GRIA1: variants seen among roughly 807,000 people sequenced by gnomAD.
The protein encoded by GRIA1 is glutamate ionotropic receptor AMPA type subunit 1, also known as glutamate receptor 1.
A neutral mutation model predicts 99.2 loss-of-function variants in GRIA1; 31 were observed. The observed-to-expected ratio is 0.31, with a 90% CI of 0.23 to 0.42. The LOEUF (loss-of-function observed/expected upper bound fraction) is 0.42. GRIA1 is among the 10% of genes least tolerant of loss of function. The pLI is 1.00. For missense variants in GRIA1, 782 were observed against 1,157.5 expected (o/e 0.68, Z 4.71); for synonymous variants, 438 against 432.4 (o/e 1.01, Z -0.16).
rs2149685965 is a variant in GRIA1 at position 153,812,941 on chromosome 5, G to C, written c.*1716G>C. 6.6e-6 allele frequency: 1 copy of C among 152,286 alleles called. No homozygotes were observed. 9.4% of individuals were successfully genotyped at this position (152,286 alleles called of 1,614,324 possible). ...TACTTCTATCCAATTTTCTCTGCTA[G>C]GGGTTATCATTAGCAATTGACATGC... is the stretch of plus-strand genomic sequence containing the variant. On this transcript the variant is annotated 3_prime_UTR_variant, in exon 16 of 16. Coordinates refer to ENST00000285900, the MANE Select transcript of GRIA1 (RefSeq NM_000827.4).
intron 10 of GRIA1, among the ~76,000 whole-genome samples, chr5:153,703,044 T>C (rs1308900075): frequency 6.6e-6 from 1 of 152,186 alleles, no homozygotes; most frequent in Non-Finnish European, 1.5e-5. Context: ...AGTGAGAACC[T>C]CAGTTATTGG....
intron 2 of GRIA1, among the ~76,000 whole-genome samples, chr5:153,618,014 A>C (rs1442078371): frequency 6.6e-6 from 1 of 152,192 alleles, no homozygotes; most frequent in East Asian, 1.9e-4. Flanking sequence ...TGTGGGGTGG[A>C]TGTAGTAACA....
At chr5:153,491,036 G>C in intron 1 of GRIA1, 66 bp downstream of exon 1, 1 of 1,423,412 alleles carries the variant, frequency 7.0e-7, no homozygotes, top group South Asian at 1.1e-5. Flanking sequence ...TGGGGATAGG[G>C]GTTGTGTACC....
intron 13 of GRIA1, among the ~76,000 whole-genome samples, chr5:153,779,613 T>G (rs1053593608): frequency 6.6e-6 from 1 of 152,164 alleles, no homozygotes; most frequent in Non-Finnish European, 1.5e-5. Context: ...CAGGCTAGAG[T>G]GCAATGGCGC....
Position 153,698,244 on chromosome 5 carries a change from T to C in GRIA1, c.1245+90T>C, listed in dbSNP as rs1758257797. 4 of 679,196 alleles carry C rather than the reference T, an allele frequency of 5.9e-6. No individual in the cohort carries two copies. The South Asian group carries it at 7.8e-5, about 13-fold the overall frequency. The allele number at this position is 679,196 out of a possible 1,614,324, so 42.1% of individuals were successfully genotyped here. A position where few individuals can be genotyped will look rare whatever the true frequency, so the allele number is the denominator to read the frequency against. ...ACCAGGACTGAAAGCTGGCCTTTCT[T>C]CTTGCCAAAACTGTGTAATAGATAA... On this transcript the variant is annotated intron_variant, in intron 9 of 15. Coordinates refer to ENST00000285900, the MANE Select transcript of GRIA1 (RefSeq NM_000827.4).
At chr5:153,696,944 A>G (rs1246456906) in intron 8 of GRIA1, among the ~76,000 whole-genome samples, 2 of 152,042 alleles carry the variant, frequency 1.3e-5, no homozygotes, top group Non-Finnish European at 2.9e-5. Context: ...CTTGAGGTGT[A>G]GTCTACACTG....
At chr5:153,562,592 C>T (rs1460583886) in intron 2 of GRIA1, among the ~76,000 whole-genome samples, 2 of 152,104 alleles carry the variant, frequency 1.3e-5, no homozygotes, top group African/African-American at 2.4e-5. Context: ...AACCTTGTGA[C>T]TAGACGAGAG....
At chr5:153,539,839 A>T (rs1758904789) in intron 2 of GRIA1, among the ~76,000 whole-genome samples, 1 of 152,258 alleles carries the variant, frequency 6.6e-6, no homozygotes, top group Non-Finnish European at 1.5e-5. Context: ...TAAACTGAAG[A>T]GTAGAACTGA....
intron 13 of GRIA1, among the ~76,000 whole-genome samples, chr5:153,773,938 A>T (rs1173908263): frequency 6.6e-6 from 1 of 152,064 alleles, no homozygotes; most frequent in East Asian, 1.9e-4. Context: ...CCTTAATGGG[A>T]TTCTGCTTCT....
chr5:153,490,671 G>A lies in GRIA1; in HGVS notation c.-218G>A. The A allele has an allele frequency of 1.6e-6, 1 of 610,636 alleles. No homozygotes were observed. 37.8% of individuals were successfully genotyped at this position (610,636 alleles called of 1,614,324 possible). On this transcript the variant is annotated 5_prime_UTR_variant, in exon 1 of 16. Coordinates refer to ENST00000285900, the MANE Select transcript of GRIA1 (RefSeq NM_000827.4). ...GGACGGGCTTCTTTTCCCGTGCTCAGTTAATCTGGCTGTCAGTTGGTGTTA... is the reference window on the plus strand; with the variant it reads ...GGACGGGCTTCTTTTCCCGTGCTCAATTAATCTGGCTGTCAGTTGGTGTTA...
At chr5:153,634,385 A>T (rs1426316534) in intron 2 of GRIA1, among the ~76,000 whole-genome samples, 1 of 152,110 alleles carries the variant, frequency 6.6e-6, no homozygotes, top group African/African-American at 2.4e-5. Flanking sequence ...AAGAGAGAAC[A>T]TTTTAAGCTG....
chr5:153,687,849 G>A (rs1239393044), intron 8 of GRIA1, among the ~76,000 whole-genome samples: 1 of 152,154 alleles, frequency 6.6e-6, no homozygotes, highest in Non-Finnish European at 1.5e-5. Context: ...TATTGCTGCT[G>A]TACAAATTAC....
At chr5:153,547,808 C>T (rs1036352420) in intron 2 of GRIA1, among the ~76,000 whole-genome samples, 1 of 152,140 alleles carries the variant, frequency 6.6e-6, no homozygotes, top group African/African-American at 2.4e-5. Context: ...TCACAGTTAG[C>T]ACCATCCAAA....
chr5:153,648,377 G>C (rs1369307380), intron 3 of GRIA1, among the ~76,000 whole-genome samples: 1 of 152,076 alleles, frequency 6.6e-6, no homozygotes, highest in African/African-American at 2.4e-5. Flanking sequence ...ATGTACCTTT[G>C]CTTGTGGGAG....
intron 11 of GRIA1, among the ~76,000 whole-genome samples, chr5:153,718,785 C>T (rs991242713): frequency 6.6e-6 from 1 of 152,278 alleles, no homozygotes; most frequent in East Asian, 1.9e-4. Flanking sequence ...CAGGCATCTC[C>T]TTATCTGGCT....
intron 2 of GRIA1, among the ~76,000 whole-genome samples, chr5:153,540,207 C>G (rs918898463): frequency 6.6e-6 from 1 of 152,214 alleles, no homozygotes; most frequent in African/African-American, 2.4e-5. Context: ...CCAGCCAGAT[C>G]GGGCAAGCAT....
In GRIA1 at chr5:153,770,193, A is replaced by G; in HGVS notation, c.2048A>G (p.Lys683Arg). The G allele has an allele frequency of 1.9e-6, 3 of 1,613,904 alleles. No individual in the cohort carries two copies. Among genetic ancestry groups the G allele is most frequent in the African/African-American group, 1.3e-5 (1 of 75,034 alleles). Reference sequence around the variant, plus strand: ...AGGTCTAAAATTGCTGTGTTTGAGAAGATGTGGACATACATGAAGTCAGCA... The same window carrying G: ...AGGTCTAAAATTGCTGTGTTTGAGAGGATGTGGACATACATGAAGTCAGCA... ...FRRSKIAVFE[K>R]MWTYMKSAEP... is the part of the protein sequence containing the mutation. The change falls in exon 13 of 16, where the codon AAG becomes AGG. Residue 683 changes from lysine (K) to arginine (R), a missense_variant. By Grantham distance (26) the Lys-to-Arg change is conservative (BLOSUM62 2). Around this residue, in one of 5 missense-constraint regions of GRIA1, gnomAD observed 119 missense variants for 326.6 expected, o/e 0.36. Transcript: ENST00000285900.
At chr5:153,684,232 A>C (rs879660877) in intron 7 of GRIA1, among the ~76,000 whole-genome samples, 1 of 151,064 alleles carries the variant, frequency 6.6e-6, no homozygotes, top group Non-Finnish European at 1.5e-5. Flanking sequence ...ATATGTGTGC[A>C]AGTGTGTCAT....
chr5:153,554,494 C>G (rs1029188112), intron 2 of GRIA1, among the ~76,000 whole-genome samples: 1 of 151,972 alleles, frequency 6.6e-6, no homozygotes, highest in Non-Finnish European at 1.5e-5. Flanking sequence ...GTTGTTGTTG[C>G]TGCTTTGTTT....
Sources: gnomAD v4.1 joint callset for allele counts (sites outside exome capture counted in the v4.1 genomes callset) on GRCh38, gnomAD v4.1.1 for gene constraint, gnomAD v4.1.1 regional missense constraint, MANE v1.5 for transcripts, NCBI Gene and HGNC (gene_info 2026-07-23, HGNC 2026-07-21) for gene names.